ANXA8: variants seen among roughly 807,000 people sequenced by gnomAD.
ANXA8 encodes the protein annexin A8, also known as VAC-beta.
In ANXA8, 9 loss-of-function variants were observed where a neutral mutation model predicts 26.8. The ratio of observed to expected loss-of-function variants is 0.34; its 90% CI spans 0.20 to 0.59. ANXA8 has a LOEUF of 0.59. ANXA8 is among the 20% of genes least tolerant of loss of function. The probability of loss-of-function intolerance (pLI) is 0.84; values close to 1 mark genes in which losing one functional copy is unlikely to be tolerated. For synonymous variants in ANXA8, 39 were observed against 94.8 expected (o/e 0.41, Z 3.42); for missense variants, 83 against 238.5 (o/e 0.35, Z 4.29).
chr10:47,571,914 G>A, the ANXA8 span, among the ~76,000 whole-genome samples: 1 of 146,440 alleles, frequency 6.8e-6, no homozygotes, highest in South Asian at 2.2e-4. Context: ...CTGGGATTAT[G>A]GGCATGAGCC....
chr10:47,536,788 T>G, the ANXA8 span, among the ~76,000 whole-genome samples: 3 of 126,604 alleles, frequency 2.4e-5, no homozygotes, highest in South Asian at 7.1e-4. Flanking sequence ...GAGGCCACAT[T>G]TCAAAAACAA....
At chr10:47,565,973 A>C in the ANXA8 span, 10 of 1,473,148 alleles carry the variant, frequency 6.8e-6, no homozygotes, top group Middle Eastern at 1.9e-3. Flanking sequence ...CGCCCTGGGC[A>C]AGCAGGGGAG....
At chr10:47,566,386 G>T in the ANXA8 span, among the ~76,000 whole-genome samples, 40 of 130,528 alleles carry the variant, frequency 3.1e-4, no homozygotes, top group African/African-American at 1.1e-3. Context: ...AGAGAAAGTT[G>T]AAAAAAAAAA....
chr10:47,570,856 T>C, the ANXA8 span, among the ~76,000 whole-genome samples: 2 of 148,474 alleles, frequency 1.3e-5, no homozygotes, highest in Non-Finnish European at 3.0e-5. Context: ...AATAACCTAA[T>C]ATAGAAATAC....
At chr10:47,900,138 TAA>T in the ANXA8 span, among the ~76,000 whole-genome samples, 10 of 148,044 alleles carry the variant, frequency 6.8e-5, no homozygotes, top group African/African-American at 2.0e-4. Context: ...GAATTATGAC[TAA>T]GACATATTTC....
chr10:47,554,705 G>A, the ANXA8 span, among the ~76,000 whole-genome samples: 1 of 151,498 alleles, frequency 6.6e-6, no homozygotes, highest in Admixed American at 6.6e-5. Context: ...AGACCCCCAG[G>A]CTTCAGGTCC....
At chr10:47,736,538 T>C in the ANXA8 span, among the ~76,000 whole-genome samples, 291 of 143,828 alleles carry the variant, frequency 2.0e-3, no homozygotes, top group Middle Eastern at 3.8e-3. Context: ...TATATTCCTA[T>C]CAGAAGTTTT....
chr10:47,502,146 C>A, the ANXA8 span: 1 of 1,569,586 alleles, frequency 6.4e-7, no homozygotes, highest in Non-Finnish European at 8.7e-7. Flanking sequence ...GCCTGCCGGG[C>A]GTAGGTCAGC....
At chr10:47,918,425 G>GAAAGAAAGAA in the ANXA8 span, among the ~76,000 whole-genome samples, 2 of 34,806 alleles carry the variant, frequency 5.7e-5, 1 homozygote, top group Non-Finnish European at 1.2e-4. Context: ...AAGAAAGAAA[G>GAAAGAAAGAA]AAAGAAAGAG....
At chr10:47,630,347 G>A in the ANXA8 span, among the ~76,000 whole-genome samples, 1 of 149,814 alleles carries the variant, frequency 6.7e-6, no homozygotes, top group South Asian at 2.1e-4. Context: ...CCATGTAGCT[G>A]GAGTGATAAT....
the ANXA8 span, among the ~76,000 whole-genome samples, chr10:47,489,412 G>A: frequency 2.0e-5 from 3 of 150,790 alleles, no homozygotes; most frequent in Non-Finnish European, 3.0e-5. Context: ...GTGTCCTAAC[G>A]CAGTACAGTC....
At chr10:47,699,401 A>C in the ANXA8 span, among the ~76,000 whole-genome samples, 1 of 150,392 alleles carries the variant, frequency 6.6e-6, no homozygotes, top group Non-Finnish European at 1.5e-5. Flanking sequence ...TGAATGGATA[A>C]AGAAGAATGA....
At chr10:47,623,607 G>A in the ANXA8 span, among the ~76,000 whole-genome samples, 4 of 109,886 alleles carry the variant, frequency 3.6e-5, 1 homozygote, top group Non-Finnish European at 7.9e-5. Context: ...CTTCAACAAA[G>A]TCTTAAAACC....
At chr10:47,645,746 G>A in the ANXA8 span, among the ~76,000 whole-genome samples, 2 of 149,924 alleles carry the variant, frequency 1.3e-5, no homozygotes, top group African/African-American at 5.1e-5. Flanking sequence ...TAGGTAGACT[G>A]AGTGAAGAGG....
chr10:47,954,565 T>A, the ANXA8 span, among the ~76,000 whole-genome samples: 1 of 151,370 alleles, frequency 6.6e-6, no homozygotes, highest in Non-Finnish European at 1.5e-5. Flanking sequence ...AATTTTTGTA[T>A]CACAAAGAAA....
the ANXA8 span, among the ~76,000 whole-genome samples, chr10:47,654,425 TGGG>T: frequency 1.4e-5 from 2 of 144,418 alleles, no homozygotes; most frequent in African/African-American, 5.7e-5. Flanking sequence ...AAAGGAGTCA[TGGG>T]GGAATATCAG....
the ANXA8 span, among the ~76,000 whole-genome samples, chr10:47,553,945 A>C: frequency 2.0e-5 from 3 of 149,046 alleles, no homozygotes; most frequent in Non-Finnish European, 4.4e-5. Flanking sequence ...AAGATGACAG[A>C]CGAGGGAGAT....
chr10:47,572,571 G>A, the ANXA8 span, among the ~76,000 whole-genome samples: 1 of 150,980 alleles, frequency 6.6e-6, no homozygotes, highest in Non-Finnish European at 1.5e-5. Context: ...GAAAAAAGTA[G>A]CCAGGCGTGG....
chr10:47,978,110 TAAC>T, the ANXA8 span, among the ~76,000 whole-genome samples: 1 of 152,050 alleles, frequency 6.6e-6, no homozygotes, highest in Non-Finnish European at 1.5e-5. Flanking sequence ...TCAATAAGAT[TAAC>T]AACTGACTTC....
Sources: gnomAD v4.1 joint callset for allele counts (sites outside exome capture counted in the v4.1 genomes callset) on GRCh38, gnomAD v4.1.1 for gene constraint, MANE v1.5 for transcripts, NCBI Gene and HGNC (gene_info 2026-07-23, HGNC 2026-07-21) for gene names.